The following ADD2 variants were observed in gnomAD, a reference collection of about 807,000 sequenced individuals.
ADD2 encodes the protein adducin 2.
A neutral mutation model predicts 83.0 loss-of-function variants in ADD2; 23 were observed. That is an observed-to-expected ratio of 0.28 (90% CI 0.20 to 0.39). The LOEUF is 0.39. Among genes scored for constraint, ADD2 ranks in the 10% least tolerant of loss-of-function variants. The pLI is 1.00. For synonymous variants in ADD2, 375 were observed against 375.4 expected (o/e 1.00, Z 0.01); for missense variants, 758 against 944.9 (o/e 0.80, Z 2.59).
chr2:70,741,470 G>A (rs782584612), intron 1 of ADD2: 11 of 152,218 alleles, frequency 7.2e-5, no homozygotes, highest in Admixed American at 2.6e-4. Flanking sequence ...CAGCTCCTTT[G>A]GGAGGCAAGC....
intron 1 of ADD2, among the ~76,000 whole-genome samples, chr2:70,719,431 G>A (rs1672624915): frequency 6.6e-6 from 1 of 152,186 alleles, no homozygotes; most frequent in Non-Finnish European, 1.5e-5. Flanking sequence ...AAGGTCACCA[G>A]GGGGTCCTAA....
chr2:70,663,816 A>G, intron 15 of ADD2, 81 bp from the exon 16 acceptor site: 3 of 1,415,622 alleles, frequency 2.1e-6, no homozygotes, highest in Non-Finnish European at 2.9e-6. Flanking sequence ...AACCATTTCT[A>G]GGGAATTCTA....
At chr2:70,685,739 A>G (rs569943695) in intron 9 of ADD2, among the ~76,000 whole-genome samples, 1 of 152,334 alleles carries the variant, frequency 6.6e-6, no homozygotes, top group African/African-American at 2.4e-5. Flanking sequence ...GAGAAGCGCT[A>G]TTCCCTGGGG....
At chr2:70,739,455 G>C (rs782717926) in intron 1 of ADD2, among the ~76,000 whole-genome samples, 41 of 152,218 alleles carry the variant, frequency 2.7e-4, no homozygotes, top group Non-Finnish European at 5.3e-4. Flanking sequence ...TTGTCCAACC[G>C]TTGTGGAAAG....
intron 1 of ADD2, among the ~76,000 whole-genome samples, chr2:70,764,522 C>T (rs1272837761): frequency 6.6e-6 from 1 of 151,988 alleles, no homozygotes; most frequent in African/African-American, 2.4e-5. Context: ...CTGCCCATGG[C>T]TCAAATGGAA....
chr2:70,733,327 C>T (rs1417172572), intron 1 of ADD2, among the ~76,000 whole-genome samples: 1 of 152,216 alleles, frequency 6.6e-6, no homozygotes, highest in Non-Finnish European at 1.5e-5. Flanking sequence ...GCGGTGCATG[C>T]ATAAAACACC....
chr2:70,696,423 G>A, intron 4 of ADD2, 27 bp from the exon 5 acceptor site: 1 of 1,613,260 alleles, frequency 6.2e-7, no homozygotes, highest in Non-Finnish European at 8.5e-7. Flanking sequence ...GTTCTCTCAG[G>A]GCCAGGGCCC....
rs185383872 is a variant in ADD2 at position 70,659,740 on chromosome 2, G to T, written c.*3685C>A. On this transcript the variant is annotated 3_prime_UTR_variant, in exon 16 of 16. Coordinates refer to ENST00000264436, the MANE Select transcript of ADD2 (RefSeq NM_001617.4). ...TTTGGGAGGAAGGTCACATGGTATG[G>T]ACGGTTCTCTCACACCACTGTTGGG... 1.1e-4 allele frequency: 16 copies of T among 152,290 alleles called. No individual in the cohort carries two copies. Among genetic ancestry groups the T allele is most frequent in the African/African-American group, 9.6e-5 (4 of 41,524 alleles). 9.4% of individuals were successfully genotyped at this position (152,290 alleles called of 1,614,324 possible). A position where few individuals can be genotyped will look rare whatever the true frequency, so the allele number is the denominator to read the frequency against.
intron 9 of ADD2, among the ~76,000 whole-genome samples, chr2:70,685,478 C>T (rs138610236): frequency 7.9e-4 from 120 of 152,274 alleles, no homozygotes; most frequent in African/African-American, 2.6e-3. Flanking sequence ...CCTGGTGAGG[C>T]AGCGCTTCTC....
At chr2:70,745,161 C>T (rs6716042) in intron 1 of ADD2, among the ~76,000 whole-genome samples, 5,451 of 152,114 alleles carry the variant, frequency 0.036, 315 homozygotes, top group African/African-American at 0.13. Flanking sequence ...TGGCGGGCGC[C>T]TGTAGTCCCA....
chr2:70,749,360 G>A (rs1376082533), intron 1 of ADD2, among the ~76,000 whole-genome samples: 1 of 152,100 alleles, frequency 6.6e-6, no homozygotes, highest in Admixed American at 6.6e-5. Context: ...CCATATCAGA[G>A]GCTAATGCTA....
At chr2:70,747,135 C>A (rs1435323999) in intron 1 of ADD2, among the ~76,000 whole-genome samples, 1 of 151,548 alleles carries the variant, frequency 6.6e-6, no homozygotes, top group Admixed American at 6.6e-5. Context: ...CTCAGCCTCC[C>A]GAGTAGCTGG....
intron 10 of ADD2, among the ~76,000 whole-genome samples, chr2:70,682,587 T>G (rs781838741): frequency 2.0e-5 from 3 of 152,226 alleles, no homozygotes; most frequent in Non-Finnish European, 4.4e-5. Context: ...TGGAATGTTA[T>G]AAAGATAGAT....
intron 1 of ADD2, among the ~76,000 whole-genome samples, chr2:70,740,527 G>T (rs1474330613): frequency 2.0e-5 from 3 of 152,110 alleles, no homozygotes; most frequent in Non-Finnish European, 2.9e-5. Context: ...TAAAATGCTG[G>T]TTAAAAACAA....
chr2:70,666,308 C>T (rs2104161723), intron 15 of ADD2, among the ~76,000 whole-genome samples: 1 of 152,332 alleles, frequency 6.6e-6, no homozygotes, highest in Non-Finnish European at 1.5e-5. Context: ...AATATCATCA[C>T]CTAATCTTTT....
chr2:70,767,992 T>C lies in ADD2; in HGVS notation c.-260A>G. 1 of 1,532,080 alleles carries C rather than the reference T, an allele frequency of 6.5e-7. No individual in the cohort carries two copies. Among genetic ancestry groups the C allele is most frequent in the Non-Finnish European group, 8.7e-7 (1 of 1,144,132 alleles). 94.9% of individuals were successfully genotyped at this position (1,532,080 alleles called of 1,614,324 possible). A position where few individuals can be genotyped will look rare whatever the true frequency, so the allele number is the denominator to read the frequency against. On this transcript the variant is annotated 5_prime_UTR_variant, in exon 1 of 16. Coordinates refer to ENST00000264436, the MANE Select transcript of ADD2 (RefSeq NM_001617.4). ...GCTTAAAAAATCCACCCAGCTAATC[T>C]GCAGGGCAGCGTTTTCTGCCCATGC...
intron 1 of ADD2, among the ~76,000 whole-genome samples, chr2:70,721,283 T>C (rs1672717661): frequency 6.6e-6 from 1 of 152,224 alleles, no homozygotes; most frequent in Non-Finnish European, 1.5e-5. Flanking sequence ...TTAATGCTGA[T>C]ATTAAACATT....
At position 70,764,567 on chromosome 2, in the gene ADD2, T is replaced by C. The variant is rs79487646; in HGVS notation, c.-154+3319A>G. Among the ~76,000 whole-genome samples the C allele has an allele frequency of 1.2e-3, 185 of 152,056 alleles. 7 individuals are homozygous for C. The highest frequency in any genetic ancestry group is 4.3e-3 in the African/African-American group (176 of 41,332). ...GGCAAACGCAGACTCCAGCATCAGT[T>C]TCAGCCTTGCCATCAAGATGATCCA... On this transcript the variant is annotated intron_variant, in intron 1 of 15. Transcript: ENST00000264436.
chr2:70,675,495 C>G (rs1670086468), intron 13 of ADD2: 1 of 985,316 alleles, frequency 1.0e-6, no homozygotes, highest in African/African-American at 1.7e-5. Context: ...GGGAGCTGAC[C>G]AGCCGGCCCT....
Sources: allele counts gnomAD v4.1 joint callset (sites outside exome capture counted in the v4.1 genomes callset), GRCh38; gene constraint gnomAD v4.1.1; transcripts MANE v1.5; gene names NCBI Gene and HGNC (gene_info 2026-07-23, HGNC 2026-07-21).